Variants in GUCY1A2 observed in about 807,000 individuals in gnomAD.
GUCY1A2 encodes the protein guanylate cyclase soluble subunit alpha-2.
Under a neutral mutation model 63.5 loss-of-function variants are expected in GUCY1A2, and 27 were observed. That is an observed-to-expected ratio of 0.43 (90% CI 0.31 to 0.59). The LOEUF (loss-of-function observed/expected upper bound fraction) is 0.59, where lower values mean the gene tolerates loss of function less well. Ranked by LOEUF, GUCY1A2 falls within the 20% of genes least tolerant of loss-of-function variation. The pLI, the probability that GUCY1A2 is intolerant of heterozygous loss-of-function variation, is 0.11. For synonymous variants in GUCY1A2, 364 were observed against 343.5 expected (o/e 1.06, Z -0.66); for missense variants, 768 against 913.3 (o/e 0.84, Z 2.05).
At chr11:106,908,104 A>G (rs908601126) in intron 4 of GUCY1A2, among the ~76,000 whole-genome samples, 2 of 152,102 alleles carry the variant, frequency 1.3e-5, no homozygotes, top group African/African-American at 4.8e-5. Flanking sequence ...AAAAATAATT[A>G]AAGTCTGGAT....
intron 3 of GUCY1A2, among the ~76,000 whole-genome samples, chr11:106,976,194 C>T (rs987453601): frequency 3.3e-5 from 5 of 152,084 alleles, no homozygotes; most frequent in Non-Finnish European, 5.9e-5. Flanking sequence ...ATTCTAATCA[C>T]ACTCCCCAAA....
At chr11:106,762,102 A>C (rs11820022) in intron 6 of GUCY1A2, among the ~76,000 whole-genome samples, 11,988 of 152,090 alleles carry the variant, frequency 0.079, 929 homozygotes, top group African/African-American at 0.2. Context: ...TGAGCATGGG[A>C]TAAGTTTAGT....
intron 4 of GUCY1A2, among the ~76,000 whole-genome samples, chr11:106,830,888 ATTG>A (rs1329933727): frequency 6.6e-6 from 1 of 152,192 alleles, no homozygotes; most frequent in African/African-American, 2.4e-5. Context: ...ATCAATTATT[ATTG>A]TTGTTATTAA....
intron 6 of GUCY1A2, among the ~76,000 whole-genome samples, chr11:106,724,285 T>C (rs550321766): frequency 2.0e-5 from 3 of 152,338 alleles, no homozygotes; most frequent in Admixed American, 6.5e-5. Context: ...TTCATCAGAC[T>C]CAATTTGTCA....
At chr11:106,914,906 C>T (rs1046541599) in intron 4 of GUCY1A2, among the ~76,000 whole-genome samples, 6 of 152,032 alleles carry the variant, frequency 3.9e-5, no homozygotes, top group South Asian at 2.1e-4. Flanking sequence ...AGAAAATCAA[C>T]AACTTTTCTT....
intron 6 of GUCY1A2, among the ~76,000 whole-genome samples, chr11:106,768,486 A>G (rs962960062): frequency 1.3e-5 from 2 of 152,100 alleles, no homozygotes; most frequent in African/African-American, 4.8e-5. Flanking sequence ...GACAATATAA[A>G]TGTTATTTAA....
intron 3 of GUCY1A2, among the ~76,000 whole-genome samples, chr11:106,969,263 A>G (rs1378232370): frequency 2.0e-5 from 3 of 152,186 alleles, no homozygotes; most frequent in African/African-American, 7.2e-5. Context: ...CGAACTCAAG[A>G]CTAGTAAGAA....
At chr11:106,808,066 T>C (rs1471256660) in intron 5 of GUCY1A2, among the ~76,000 whole-genome samples, 1 of 152,080 alleles carries the variant, frequency 6.6e-6, no homozygotes, top group Non-Finnish European at 1.5e-5. Flanking sequence ...ACTGTGTGAG[T>C]CAATACTCCT....
At chr11:106,835,090 A>T (rs890222127) in intron 4 of GUCY1A2, among the ~76,000 whole-genome samples, 4 of 151,934 alleles carry the variant, frequency 2.6e-5, no homozygotes, top group Non-Finnish European at 5.9e-5. Flanking sequence ...GTAGGAAAAA[A>T]CATAATAGAT....
chr11:106,972,633 T>C (rs939800003), intron 3 of GUCY1A2, among the ~76,000 whole-genome samples: 17 of 151,986 alleles, frequency 1.1e-4, no homozygotes, highest in African/African-American at 4.1e-4. Context: ...GCAGGACAAA[T>C]GGGAAATAGT....
intron 4 of GUCY1A2, among the ~76,000 whole-genome samples, chr11:106,925,199 G>A (rs1860505744): frequency 6.6e-6 from 1 of 151,658 alleles, no homozygotes; most frequent in Admixed American, 6.6e-5. Flanking sequence ...CAGAGAGAGA[G>A]GAGAAAGAGA....
intron 4 of GUCY1A2, among the ~76,000 whole-genome samples, chr11:106,862,786 T>C (rs1003079717): frequency 8.5e-5 from 13 of 152,054 alleles, no homozygotes; most frequent in African/African-American, 3.1e-4. Context: ...AACGACTCTG[T>C]TCTAACAGAT....
At chr11:106,923,600 T>C (rs1328887105) in intron 4 of GUCY1A2, among the ~76,000 whole-genome samples, 1 of 151,876 alleles carries the variant, frequency 6.6e-6, no homozygotes, top group African/African-American at 2.4e-5. Flanking sequence ...TTTTAAAACA[T>C]ATGACAAAAA....
chr11:106,997,438 G>C lies in GUCY1A2; in HGVS notation c.304-11307C>G, dbSNP rs1399730291. On this transcript the variant is annotated intron_variant, in intron 1 of 7. Coordinates refer to ENST00000526355, the MANE Select transcript of GUCY1A2 (RefSeq NM_000855.3). ...GACAGGCAAACTAGGTCAGCCTAGAGGCAGAATCCTGAGGAAGAAAGAGCC... is the reference window on the plus strand; with the variant it reads ...GACAGGCAAACTAGGTCAGCCTAGACGCAGAATCCTGAGGAAGAAAGAGCC... 2.6e-5 allele frequency among the ~76,000 whole-genome samples: 4 copies of C among 152,258 alleles called. No individual in the cohort carries two copies. The East Asian group carries it at 7.7e-4, about 29-fold the overall frequency.
At chr11:106,914,477 G>A (rs923232251) in intron 4 of GUCY1A2, among the ~76,000 whole-genome samples, 4 of 151,936 alleles carry the variant, frequency 2.6e-5, no homozygotes, top group African/African-American at 7.3e-5. Flanking sequence ...CACTTGGCTT[G>A]GTGTTTCTAT....
At chr11:106,692,646 CAG>C (rs1862644423) in intron 7 of GUCY1A2, among the ~76,000 whole-genome samples, 2 of 152,142 alleles carry the variant, frequency 1.3e-5, no homozygotes, top group African/African-American at 2.4e-5. Flanking sequence ...ACACAAAACA[CAG>C]AATTTTAAAA....
chr11:106,789,837 T>C (rs1864626650), intron 5 of GUCY1A2, among the ~76,000 whole-genome samples: 1 of 152,184 alleles, frequency 6.6e-6, no homozygotes, highest in Non-Finnish European at 1.5e-5. Flanking sequence ...TCTCTTCCCT[T>C]ACTTTCTCCC....
Position 106,685,561 on chromosome 11 carries a change from A to C in GUCY1A2, c.*1988T>G, listed in dbSNP as rs987775547. The C allele has an allele frequency of 1.8e-5, 4 of 227,540 alleles. No individual in the cohort carries two copies. Among genetic ancestry groups the C allele is most frequent in the Admixed American group, 5.7e-5 (1 of 17,592 alleles). 14.1% of individuals were successfully genotyped at this position (227,540 alleles called of 1,614,324 possible). A position where few individuals can be genotyped will look rare whatever the true frequency, so the allele number is the denominator to read the frequency against. ...ACCATAATAAGTTCTAAGTTACTGA[A>C]GACAATAGGCATAAATGACATCAGT... On this transcript the variant is annotated 3_prime_UTR_variant, in exon 8 of 8. Coordinates refer to ENST00000526355, the MANE Select transcript of GUCY1A2 (RefSeq NM_000855.3).
chr11:106,812,127 G>A (rs976201633), intron 4 of GUCY1A2, among the ~76,000 whole-genome samples: 15 of 151,836 alleles, frequency 9.9e-5, no homozygotes, highest in South Asian at 2.1e-4. Context: ...TAAGGGCATG[G>A]TAAGGAAGAA....
Sources: gnomAD v4.1 joint callset for allele counts (sites outside exome capture counted in the v4.1 genomes callset) on GRCh38, gnomAD v4.1.1 for gene constraint, MANE v1.5 for transcripts, NCBI Gene and HGNC (gene_info 2026-07-23, HGNC 2026-07-21) for gene names.